Variants in RHBDL3 observed in about 807,000 individuals in gnomAD.
RHBDL3 encodes the protein rhomboid like 3.
A neutral mutation model predicts 48.2 loss-of-function variants in RHBDL3; 28 were observed. The ratio of observed to expected loss-of-function variants is 0.58; its 90% CI spans 0.43 to 0.80. The LOEUF is 0.80. Among genes scored for constraint, RHBDL3 ranks in the 30% least tolerant of loss-of-function variants. RHBDL3 has a pLI of 0.00. For synonymous variants in RHBDL3, 208 were observed against 232.3 expected (o/e 0.90, Z 0.95); for missense variants, 464 against 542.7 (o/e 0.85, Z 1.44).
intron 5 of RHBDL3, 109 bp downstream of exon 5, chr17:32,294,551 A>G: frequency 8.8e-7 from 1 of 1,138,286 alleles, no homozygotes; most frequent in South Asian, 1.7e-5. Flanking sequence ...CTATTTGGAC[A>G]TAGGATTTGG....
At chr17:32,276,918 A>AGCACAGTACTCCG in intron 2 of RHBDL3, among the ~76,000 whole-genome samples, 1 of 45,062 alleles carries the variant, frequency 2.2e-5, no homozygotes, top group African/African-American at 3.0e-4. Context: ...ACCTTACTCC[A>AGCACAGTACTCCG]GCCCTAGCAC....
At chr17:32,315,324 G>A (rs762399949) in intron 7 of RHBDL3, among the ~76,000 whole-genome samples, 21 of 152,244 alleles carry the variant, frequency 1.4e-4, no homozygotes, top group African/African-American at 4.3e-4. Flanking sequence ...CTGTGCACGC[G>A]CACCTCTGTA....
In RHBDL3 at chr17:32,283,517, G is replaced by T. The variant is rs1002332082; in HGVS notation, c.136-1142G>T. Among the ~76,000 whole-genome samples the T allele has an allele frequency of 1.6e-4, 25 of 151,854 alleles. 1 individual carries two copies. The highest frequency in any genetic ancestry group is 1.4e-3 in the East Asian group (7 of 5,140). ...TTTTTGTATTTTTAGTAGAGACGGG[G>T]TTTCACCGTGTTAGCCAGGATGGTC... On this transcript the variant is annotated intron_variant, in intron 2 of 8. Transcript: ENST00000269051.
chr17:32,315,154 C>A (rs12453604), intron 7 of RHBDL3, among the ~76,000 whole-genome samples: 56,596 of 152,088 alleles, frequency 0.37, 12,244 homozygotes, highest in Non-Finnish European at 0.48. Flanking sequence ...TAAAGTTACA[C>A]GGATGTTCCT....
chr17:32,276,461 G>T (rs932230091), intron 2 of RHBDL3, among the ~76,000 whole-genome samples: 14 of 152,168 alleles, frequency 9.2e-5, no homozygotes, highest in Non-Finnish European at 5.9e-5. Flanking sequence ...ATCCATGAAA[G>T]GGCCAGAGTT....
chr17:32,309,280 C>T (rs768748244), intron 7 of RHBDL3, among the ~76,000 whole-genome samples: 25 of 152,032 alleles, frequency 1.6e-4, no homozygotes, highest in East Asian at 7.8e-4. Flanking sequence ...GGGCTGGGCG[C>T]GGTGGCTCAC....
Position 32,305,429 on chromosome 17 carries a change from C to T in RHBDL3, c.870C>T (p.Ala290=). The T allele has an allele frequency of 6.2e-7, 1 of 1,608,988 alleles. No homozygotes were observed. Among genetic ancestry groups the T allele is most frequent in the Non-Finnish European group, 8.5e-7 (1 of 1,175,352 alleles). ...GVYALVSAHL[A]NIVMNWSGMK... is the part of the protein sequence containing the mutation. The stretch of plus-strand genomic sequence containing the variant: ...ATGCTCTCGTCTCTGCCCATCTGGC[C>T]AACATTGTCATGGTGAGCACCTCCC... Residue 290 remains alanine (A), a synonymous_variant, in exon 7 of 9, where the codon GCC becomes GCT. Coordinates refer to ENST00000269051, the MANE Select transcript of RHBDL3 (RefSeq NM_138328.3).
chr17:32,302,238 C>T (rs868489894), intron 6 of RHBDL3, among the ~76,000 whole-genome samples: 15 of 152,190 alleles, frequency 9.9e-5, no homozygotes, highest in Admixed American at 4.6e-4. Flanking sequence ...ACTTCCTGCC[C>T]GGGGAGGGCC....
chr17:32,277,334 T>C (rs535044510), intron 2 of RHBDL3, among the ~76,000 whole-genome samples: 15 of 152,310 alleles, frequency 9.8e-5, no homozygotes, highest in African/African-American at 3.6e-4. Flanking sequence ...CACACATACA[T>C]CATAGACACA....
rs1394455273 is a variant in RHBDL3, at chr17:32,266,215, C to T, written c.26C>T (p.Pro9Leu). Residue 9 changes from proline to leucine, a missense_variant, in exon 1 of 9, where the codon CCC becomes CTC. Coordinates refer to ENST00000269051, the MANE Select transcript of RHBDL3 (RefSeq NM_138328.3). MGEHPSPGPAVAACAEAER... is the reference protein window; with the variant it reads MGEHPSPGLAVAACAEAER... Reference sequence around the variant, plus strand: ...ATGGGCGAGCACCCCAGCCCGGGCCCCGCGGTGGCCGCCTGCGCCGAGGCG... The same window carrying T: ...ATGGGCGAGCACCCCAGCCCGGGCCTCGCGGTGGCCGCCTGCGCCGAGGCG... The T allele has an allele frequency of 1.4e-6, 2 of 1,411,530 alleles. No homozygotes were observed. Among genetic ancestry groups the T allele is most frequent in the Non-Finnish European group, 9.2e-7 (1 of 1,088,356 alleles). 87.4% of individuals were successfully genotyped at this position (1,411,530 alleles called of 1,614,324 possible).
At chr17:32,268,741 T>C (rs763463680) in intron 2 of RHBDL3, among the ~76,000 whole-genome samples, 32 of 152,158 alleles carry the variant, frequency 2.1e-4, no homozygotes, top group Non-Finnish European at 4.1e-4. Flanking sequence ...GAGAAGGAGA[T>C]AAAGCTGAAA....
Position 32,309,171 on chromosome 17 carries a change from A to G in RHBDL3, c.882+3730A>G, listed in dbSNP as rs557750149. Among the ~76,000 whole-genome samples, 27 of 132,314 alleles carry G rather than the reference A, an allele frequency of 2.0e-4. 1 individual carries two copies. The highest frequency in any genetic ancestry group is 7.6e-4 in the African/African-American group (27 of 35,576). 86.8% of individuals were successfully genotyped at this position (132,314 alleles called of 152,430 possible). A position where few individuals can be genotyped will look rare whatever the true frequency, so the allele number is the denominator to read the frequency against. ...ACTATTGTTTTCAGCTTCAAAATGA[A>G]GGTTTGGAGTGTGTGTGTGTGTGTG... On this transcript the variant is annotated intron_variant, in intron 7 of 8. Coordinates refer to ENST00000269051, the MANE Select transcript of RHBDL3 (RefSeq NM_138328.3).
intron 8 of RHBDL3, among the ~76,000 whole-genome samples, chr17:32,318,886 C>G (rs982936675): frequency 2.6e-5 from 4 of 152,168 alleles, no homozygotes; most frequent in African/African-American, 9.7e-5. Context: ...CCATGGCTTT[C>G]AAGAAATCAG....
intron 6 of RHBDL3, among the ~76,000 whole-genome samples, chr17:32,302,552 T>TA (rs1491108296): frequency 2.3e-3 from 91 of 39,024 alleles, no homozygotes; most frequent in South Asian, 4.3e-3. Context: ...TATATATATA[T>TA]TTTTTTTTAG....
chr17:32,297,652 C>CTTTTTTT (rs71362824), intron 5 of RHBDL3, among the ~76,000 whole-genome samples: 2 of 50,942 alleles, frequency 3.9e-5, no homozygotes, highest in African/African-American at 1.4e-4. Flanking sequence ...GTTGCTGGAT[C>CTTTTTTT]TTTTTTTTTT....
intron 2 of RHBDL3, among the ~76,000 whole-genome samples, chr17:32,283,478 C>T (rs985935791): frequency 4.0e-4 from 60 of 151,858 alleles, no homozygotes; most frequent in Middle Eastern, 3.4e-3. Context: ...CGCACACCAC[C>T]ACGCCCGGCT....
At chr17:32,318,719 T>C (rs538539929) in intron 8 of RHBDL3, among the ~76,000 whole-genome samples, 7 of 152,124 alleles carry the variant, frequency 4.6e-5, no homozygotes, top group Admixed American at 4.6e-4. Context: ...CTGGGCTTTC[T>C]CTGGGTCAGC....
At chr17:32,301,046 A>AT (rs942279893) in intron 6 of RHBDL3, among the ~76,000 whole-genome samples, 1 of 151,852 alleles carries the variant, frequency 6.6e-6, no homozygotes, top group East Asian at 1.9e-4. Context: ...CGCCCGGCTA[A>AT]TTTTTTTGTA....
At chr17:32,271,259 T>C (rs902250595) in intron 2 of RHBDL3, among the ~76,000 whole-genome samples, 2 of 152,212 alleles carry the variant, frequency 1.3e-5, no homozygotes, top group African/African-American at 4.8e-5. Context: ...CCAGCTATGC[T>C]AGCATCACTT....
Sources: gnomAD v4.1 joint callset for allele counts (sites outside exome capture counted in the v4.1 genomes callset) on GRCh38, gnomAD v4.1.1 for gene constraint, MANE v1.5 for transcripts, NCBI Gene and HGNC (gene_info 2026-07-23, HGNC 2026-07-21) for gene names.